The following KIF4A variants were observed in gnomAD, a reference collection of about 807,000 sequenced individuals.
The protein encoded by KIF4A is chromosome-associated kinesin KIF4A.
KIF4A carries 7 observed loss-of-function variants against 105.9 expected under a neutral mutation model. The observed-to-expected ratio is 0.07, with a 90% CI of 0.04 to 0.12. The LOEUF (loss-of-function observed/expected upper bound fraction) is 0.12, where lower values mean the gene tolerates loss of function less well. Ranked by LOEUF, KIF4A falls within the 10% of genes least tolerant of loss-of-function variation. The pLI, the probability that KIF4A is intolerant of heterozygous loss-of-function variation, is 1.00. For missense variants in KIF4A, 558 were observed against 929.2 expected, an observed-to-expected ratio of 0.60 and a Z score of 5.19; for synonymous variants, 281 against 331.3, an observed-to-expected ratio of 0.85 and a Z score of 1.65.
At chrX:70,390,942 T>TTTG (rs913815873) in intron 20 of KIF4A, among the ~76,000 whole-genome samples, 20 of 112,255 alleles carry the variant, frequency 1.8e-4, no homozygotes, top group African/African-American at 5.8e-4. Context: ...TTTGCGTGTT[T>TTTG]TTGTTGTTGT....
chrX:70,373,839 C>CAT, intron 15 of KIF4A, among the ~76,000 whole-genome samples: 1 of 94,495 alleles, frequency 1.1e-5, no homozygotes, highest in Non-Finnish European at 2.1e-5. Flanking sequence ...CACACACACA[C>CAT]ACACACATAC....
intron 7 of KIF4A, among the ~76,000 whole-genome samples, chrX:70,326,824 T>A (rs1002575854): frequency 8.9e-6 from 1 of 112,390 alleles, no homozygotes; most frequent in Non-Finnish European, 1.9e-5. Context: ...TGTGGTGATT[T>A]ATTTCAAGAG....
At chrX:70,339,093 A>G (rs2085962754) in intron 10 of KIF4A, among the ~76,000 whole-genome samples, 1 of 109,456 alleles carries the variant, frequency 9.1e-6, no homozygotes, top group Non-Finnish European at 1.9e-5. Flanking sequence ...TCAAAAAAAA[A>G]AAAAAAAAGA....
At chrX:70,342,448 G>T (rs140215706) in intron 11 of KIF4A, among the ~76,000 whole-genome samples, 199 of 111,995 alleles carry the variant, frequency 1.8e-3, no homozygotes, top group Middle Eastern at 0.014. Context: ...CTGATTACAC[G>T]AGTTCTGACT....
chrX:70,295,095 T>C (rs2085776403), intron 3 of KIF4A, among the ~76,000 whole-genome samples: 1 of 112,069 alleles, frequency 8.9e-6, no homozygotes, highest in African/African-American at 3.2e-5. Flanking sequence ...GCTGAGTAAC[T>C]AGTAATCTGG....
At chrX:70,353,867 A>G in intron 15 of KIF4A, 60 bp downstream of exon 15, 4 of 910,182 alleles carry the variant, frequency 4.4e-6, no homozygotes, top group Non-Finnish European at 6.0e-6. Context: ...CTGAATGGGA[A>G]GAAAACAACA....
chrX:70,320,234 C>A (rs947093656), intron 7 of KIF4A, among the ~76,000 whole-genome samples: 2 of 111,827 alleles, frequency 1.8e-5, no homozygotes, highest in Non-Finnish European at 3.8e-5. Context: ...TCTGTTCCTG[C>A]CACCTCTACA....
intron 28 of KIF4A, among the ~76,000 whole-genome samples, chrX:70,416,915 T>C (rs971341974): frequency 4.4e-5 from 5 of 112,855 alleles, no homozygotes; most frequent in Admixed American, 3.7e-4. Flanking sequence ...TAAAGTGCTA[T>C]CAAATGTAAA....
intron 22 of KIF4A, among the ~76,000 whole-genome samples, chrX:70,400,292 C>T (rs973642694): frequency 2.8e-5 from 3 of 109,052 alleles, no homozygotes; most frequent in South Asian, 4.1e-4. Flanking sequence ...TTTGTTCTTG[C>T]GATAGTTTAC....
At chrX:70,297,279 A>G in intron 4 of KIF4A, 91 bp downstream of exon 4, 1 of 794,433 alleles carries the variant, frequency 1.3e-6, no homozygotes, top group Admixed American at 3.5e-5. Flanking sequence ...CATGACTCAA[A>G]TTAGTAAGTT....
At chrX:70,313,608 G>A (rs1208963336) in intron 7 of KIF4A, among the ~76,000 whole-genome samples, 2 of 111,891 alleles carry the variant, frequency 1.8e-5, no homozygotes, top group African/African-American at 6.5e-5. Context: ...CTTCAAGTCT[G>A]TAGTACTCCT....
At chrX:70,383,625 A>G (rs1285661407) in intron 18 of KIF4A, among the ~76,000 whole-genome samples, 1 of 112,432 alleles carries the variant, frequency 8.9e-6, no homozygotes, top group Non-Finnish European at 1.9e-5. Context: ...CAAAAAGTGG[A>G]AAAACCCAAC....
intron 22 of KIF4A, among the ~76,000 whole-genome samples, chrX:70,400,955 T>TA (rs944212489): frequency 1.6e-4 from 17 of 107,905 alleles, no homozygotes; most frequent in African/African-American, 5.1e-4. Flanking sequence ...TTTTAGTAGA[T>TA]ACGGGGTTTC....
Position 70,364,415 on chromosome X carries a change from G to C in KIF4A, c.1675-9736G>C, listed in dbSNP as rs764470517. ...TTTAATCCATCTTGAATTAATTTTT[G>C]TATAAGGTGTAAGGAAGGGATCCAG... On this transcript the variant is annotated intron_variant, in intron 15 of 30. Coordinates refer to ENST00000374403, the MANE Select transcript of KIF4A (RefSeq NM_012310.5). 4.1e-3 allele frequency among the ~76,000 whole-genome samples: 442 copies of C among 108,475 alleles called. 2 individuals carry two copies. Among genetic ancestry groups the C allele is most frequent in the African/African-American group, 0.013 (394 of 29,899 alleles). 94.2% of individuals were successfully genotyped at this position (108,475 alleles called of 115,157 possible).
At chrX:70,391,867 G>A (rs2086238647) in intron 20 of KIF4A, among the ~76,000 whole-genome samples, 1 of 110,882 alleles carries the variant, frequency 9.0e-6, no homozygotes, top group African/African-American at 3.3e-5. Context: ...GAGAACGTGT[G>A]GTATTTGATT....
intron 18 of KIF4A, among the ~76,000 whole-genome samples, chrX:70,379,281 C>G (rs1166197196): frequency 8.9e-6 from 1 of 111,761 alleles, no homozygotes; most frequent in Admixed American, 9.5e-5. Flanking sequence ...TAAGGAATTA[C>G]TATTAACAAC....
chrX:70,400,428 G>C (rs2086276912), intron 22 of KIF4A, among the ~76,000 whole-genome samples: 2 of 111,378 alleles, frequency 1.8e-5, no homozygotes, highest in African/African-American at 3.3e-5. Flanking sequence ...TATCATTGTT[G>C]GACATTTGGG....
chrX:70,359,772 A>T (rs949862269), intron 15 of KIF4A, among the ~76,000 whole-genome samples: 2 of 111,368 alleles, frequency 1.8e-5, no homozygotes, highest in Non-Finnish European at 3.8e-5. Context: ...CTTGCATGCT[A>T]CAACTGCCCA....
chrX:70,381,962 TAA>T (rs996025222), intron 18 of KIF4A, among the ~76,000 whole-genome samples: 3 of 112,663 alleles, frequency 2.7e-5, no homozygotes, highest in Non-Finnish European at 1.9e-5. Flanking sequence ...TGGTACTGTG[TAA>T]AGATAGACAT....
Sources: gnomAD v4.1 joint callset for allele counts (sites outside exome capture counted in the v4.1 genomes callset) on GRCh38, gnomAD v4.1.1 for gene constraint, MANE v1.5 for transcripts, NCBI Gene and HGNC (gene_info 2026-07-23, HGNC 2026-07-21) for gene names.